Variants in EYS observed in about 807,000 individuals in gnomAD.
EYS encodes EGF-like photoreceptor maintenance factor.
Under a neutral mutation model 282.1 loss-of-function variants are expected in EYS, and 250 were observed. The ratio of observed to expected loss-of-function variants is 0.89; its 90% CI spans 0.80 to 0.98. The LOEUF (loss-of-function observed/expected upper bound fraction) is 0.98, where lower values mean the gene tolerates loss of function less well. Ranked by LOEUF, EYS falls within the 50% of genes least tolerant of loss-of-function variation. The probability of loss-of-function intolerance (pLI) is 0.00; values close to 1 mark genes in which losing one functional copy is unlikely to be tolerated. For missense variants in EYS, 4,016 were observed against 3,709.0 expected (o/e 1.08, Z -2.15); for synonymous variants, 1,355 against 1,282.9 (o/e 1.06, Z -1.20).
chr6:65,039,267 T>C (rs1399257444), intron 13 of EYS, among the ~76,000 whole-genome samples: 2 of 151,632 alleles, frequency 1.3e-5, no homozygotes, highest in Non-Finnish European at 3.0e-5. Flanking sequence ...AAAAGGCTTT[T>C]ATTTTCTTAT....
chr6:64,297,862 C>T (rs932772467), intron 30 of EYS, among the ~76,000 whole-genome samples: 7 of 151,724 alleles, frequency 4.6e-5, no homozygotes, highest in Non-Finnish European at 1.0e-4. Context: ...CCTGTAATCC[C>T]AGCTACTCAG....
intron 29 of EYS, among the ~76,000 whole-genome samples, chr6:64,307,344 A>G (rs1769492732): frequency 6.6e-6 from 1 of 152,136 alleles, no homozygotes; most frequent in South Asian, 2.1e-4. Context: ...TTGTGTACAT[A>G]CAAACACAAT....
intron 31 of EYS, among the ~76,000 whole-genome samples, chr6:64,083,212 T>G (rs1230631597): frequency 1.3e-5 from 2 of 152,116 alleles, no homozygotes; most frequent in East Asian, 3.9e-4. Context: ...CCCAGCCAAC[T>G]TTCTTTTTTG....
At chr6:65,179,449 A>G (rs1230484858) in intron 12 of EYS, among the ~76,000 whole-genome samples, 3 of 152,194 alleles carry the variant, frequency 2.0e-5, no homozygotes, top group African/African-American at 7.2e-5. Context: ...CAAATAAACT[A>G]GAAAATCTAG....
At chr6:65,285,896 C>T (rs1768349114) in intron 12 of EYS, among the ~76,000 whole-genome samples, 1 of 151,778 alleles carries the variant, frequency 6.6e-6, no homozygotes, top group Non-Finnish European at 1.5e-5. Context: ...ACTTACACAA[C>T]TTTTATCAGT....
intron 30 of EYS, among the ~76,000 whole-genome samples, chr6:64,304,493 A>G (rs747979931): frequency 3.3e-5 from 5 of 152,172 alleles, no homozygotes; most frequent in Non-Finnish European, 7.3e-5. Context: ...CATTCTTAAA[A>G]GCATGTGGAA....
chr6:64,119,161 C>T (rs989359086), intron 31 of EYS, among the ~76,000 whole-genome samples: 4 of 152,060 alleles, frequency 2.6e-5, no homozygotes, highest in Non-Finnish European at 4.4e-5. Flanking sequence ...TTCAGATCTT[C>T]AGATATAGTA....
intron 15 of EYS, among the ~76,000 whole-genome samples, chr6:64,941,457 C>T (rs1769088336): frequency 6.6e-6 from 1 of 151,992 alleles, no homozygotes; most frequent in Admixed American, 6.6e-5. Flanking sequence ...ATTTCTTTTT[C>T]ATGTGTATGC....
intron 28 of EYS, among the ~76,000 whole-genome samples, chr6:64,402,130 A>G (rs1225056258): frequency 6.6e-6 from 1 of 152,152 alleles, no homozygotes; most frequent in African/African-American, 2.4e-5. Context: ...ACTTATAATT[A>G]AGACTTTATC....
At chr6:65,511,132 A>G (rs1766852797) in intron 2 of EYS, among the ~76,000 whole-genome samples, 3 of 152,154 alleles carry the variant, frequency 2.0e-5, no homozygotes, top group African/African-American at 7.2e-5. Flanking sequence ...TAACTAGACT[A>G]TTTTATTTTC....
At chr6:65,324,293 CTTTGT>C (rs1769558815) in intron 11 of EYS, among the ~76,000 whole-genome samples, 1 of 152,152 alleles carries the variant, frequency 6.6e-6, no homozygotes, top group African/African-American at 2.4e-5. Flanking sequence ...AGAGTGGGGA[CTTTGT>C]TTTATTTGTT....
chr6:64,962,510 C>A (rs1331642464), intron 14 of EYS, among the ~76,000 whole-genome samples: 1 of 151,084 alleles, frequency 6.6e-6, no homozygotes, highest in African/African-American at 2.4e-5. Context: ...GCGGGAGGAT[C>A]ACTTGATCCA....
At position 64,877,581 on chromosome 6, in the gene EYS, A is replaced by T. The variant is rs561175667; in HGVS notation, c.2992+9116T>A. Among the ~76,000 whole-genome samples the T allele has an allele frequency of 3.3e-5, 5 of 152,316 alleles. No individual in the cohort carries two copies. In the South Asian group the frequency reaches 1.0e-3, roughly 32 times the overall value. ...AGTTTACAAGGTATTTTACATAAACAAAATAGGTAAAATGCTACTGATAAT... is the reference window on the plus strand; with the variant it reads ...AGTTTACAAGGTATTTTACATAAACTAAATAGGTAAAATGCTACTGATAAT... On this transcript the variant is annotated intron_variant, in intron 19 of 42. Transcript: ENST00000503581.
At chr6:64,484,086 G>A (rs188534016) in intron 26 of EYS, among the ~76,000 whole-genome samples, 1 of 151,710 alleles carries the variant, frequency 6.6e-6, no homozygotes, top group East Asian at 1.9e-4. Flanking sequence ...TCTTTAGACT[G>A]AGTGAAAATC....
At chr6:64,425,374 G>A (rs1171507842) in intron 28 of EYS, among the ~76,000 whole-genome samples, 1 of 152,148 alleles carries the variant, frequency 6.6e-6, no homozygotes, top group African/African-American at 2.4e-5. Flanking sequence ...GATGGAAGCA[G>A]CCAGGTGTGG....
chr6:64,028,918 C>T (rs1266378150), intron 33 of EYS, among the ~76,000 whole-genome samples: 1 of 152,174 alleles, frequency 6.6e-6, no homozygotes, highest in Non-Finnish European at 1.5e-5. Flanking sequence ...GCCAGAGGGA[C>T]CAGGGCCCTC....
chr6:64,760,706 G>T (rs1260234650), intron 22 of EYS, among the ~76,000 whole-genome samples: 3 of 152,138 alleles, frequency 2.0e-5, no homozygotes. Context: ...GTCTTTAATT[G>T]CAGCTTGTCA....
intron 2 of EYS, among the ~76,000 whole-genome samples, chr6:65,545,137 A>C (rs1768333571): frequency 6.6e-6 from 1 of 152,078 alleles, no homozygotes; most frequent in South Asian, 2.1e-4. Flanking sequence ...GAAGATGTTA[A>C]AAAGAAAAAA....
In EYS at chr6:64,948,620, G is replaced by GTAT. The variant is rs1769379470; in HGVS notation, c.2260-2707_2260-2706insATA. Among the ~76,000 whole-genome samples, 6 of 146,480 alleles carry GTAT rather than the reference G, an allele frequency of 4.1e-5. No individual in the cohort carries two copies. In the South Asian group the frequency reaches 8.4e-4, roughly 21 times the overall value. On this transcript the variant is annotated intron_variant, in intron 14 of 42. Coordinates refer to ENST00000503581, the MANE Select transcript of EYS (RefSeq NM_001142800.2). ...AAATATTAAATAATATTAAATAATA[G>GTAT]TAAATACTAGTATTAAATAGTATTA... is the stretch of plus-strand genomic sequence containing the variant.
Sources: gnomAD v4.1 joint callset for allele counts (sites outside exome capture counted in the v4.1 genomes callset) on GRCh38, gnomAD v4.1.1 for gene constraint, MANE v1.5 for transcripts, NCBI Gene and HGNC (gene_info 2026-07-23, HGNC 2026-07-21) for gene names.